Variants in MACF1 observed in about 807,000 individuals in gnomAD.
The protein encoded by MACF1 is microtubule actin crosslinking factor 1, also known as microtubule-actin cross-linking factor 1.
In MACF1, 193 loss-of-function variants were observed where a neutral mutation model predicts 854.8. That is an observed-to-expected ratio of 0.23 (90% CI 0.20 to 0.25). The LOEUF (loss-of-function observed/expected upper bound fraction) is 0.25. MACF1 is among the 10% of genes least tolerant of loss of function. MACF1 has a pLI of 1.00. For missense variants in MACF1, 7,722 were observed against 8,929.1 expected (o/e 0.86, Z 5.45); for synonymous variants, 3,185 against 3,226.7 (o/e 0.99, Z 0.44).
At chr1:39,289,819 A>G (rs375503443) in intron 15 of MACF1, among the ~76,000 whole-genome samples, 2 of 145,322 alleles carry the variant, frequency 1.4e-5, no homozygotes, top group East Asian at 4.2e-4. Flanking sequence ...CTCATGCCTC[A>G]GCCTCCCAAG....
chr1:39,436,134 A>C (rs1482729063), intron 70 of MACF1: 1 of 408,144 alleles, frequency 2.5e-6, no homozygotes, highest in Non-Finnish European at 4.4e-6. Flanking sequence ...GCAACAGCAC[A>C]TTAGTTTTCT....
chr1:39,179,328 C>G (rs1370175463), intron 2 of MACF1, among the ~76,000 whole-genome samples: 4 of 152,152 alleles, frequency 2.6e-5, no homozygotes, highest in Non-Finnish European at 5.9e-5. Flanking sequence ...TCTTCTGTTT[C>G]TGGAAGTCTT....
At chr1:39,407,149 G>C (rs1179447288) in intron 58 of MACF1, among the ~76,000 whole-genome samples, 1 of 152,094 alleles carries the variant, frequency 6.6e-6, no homozygotes, top group East Asian at 1.9e-4. Context: ...ACACCTCCAG[G>C]GTCAGGAAAG....
Position 39,479,625 on chromosome 1 carries a change from C to T in MACF1, c.21959-173C>T, listed in dbSNP as rs2275767. 0.56 allele frequency among the ~76,000 whole-genome samples: 85,339 copies of T among 152,044 alleles called. 25,639 individuals carry two copies. The highest frequency in any genetic ancestry group is 0.77 in the South Asian group (3,704 of 4,818). On this transcript the variant is annotated intron_variant, in intron 97 of 100. Transcript: ENST00000564288. ...TTAACATATCTGCTATGGGTAGGAA[C>T]CTTGACAAGGCTGATGTGTCATGAA...
At chr1:39,360,046 TATATATACACAC>T (rs1648018380) in intron 47 of MACF1, among the ~76,000 whole-genome samples, 1 of 60,860 alleles carries the variant, frequency 1.6e-5, no homozygotes, top group Non-Finnish European at 3.2e-5. Context: ...TATATATATA[TATATATACACAC>T]ACACACACAC....
Position 39,309,910 on chromosome 1 carries a change from G to A in MACF1, c.2916+214G>A, listed in dbSNP as rs538438158. ...CCTAATTAGAATAAGTAACATCTTTGGTCTTCTTGGCAAGGGTAGAAGGTT... is the reference window on the plus strand; with the variant it reads ...CCTAATTAGAATAAGTAACATCTTTAGTCTTCTTGGCAAGGGTAGAAGGTT... On this transcript the variant is annotated intron_variant, in intron 24 of 100. Transcript: ENST00000564288. 5.9e-5 allele frequency among the ~76,000 whole-genome samples: 9 copies of A among 152,272 alleles called. No homozygotes were observed. In the South Asian group the frequency reaches 1.7e-3, roughly 28 times the overall value.
intron 99 of MACF1, among the ~76,000 whole-genome samples, chr1:39,482,683 T>C (rs922810522): frequency 2.7e-5 from 4 of 150,040 alleles, no homozygotes; most frequent in Non-Finnish European, 5.9e-5. Flanking sequence ...TTGTCCCAGC[T>C]ACATGGGAGG....
At chr1:39,293,660 C>A (rs754900207) in intron 18 of MACF1, 41 bp downstream of exon 18, 3 of 1,578,962 alleles carry the variant, frequency 1.9e-6, no homozygotes, top group Non-Finnish European at 2.6e-6. Context: ...ACTTATTTAA[C>A]AGCAGCAGAA....
chr1:39,245,119 T>A (rs1179447172), intron 2 of MACF1, among the ~76,000 whole-genome samples: 2 of 152,226 alleles, frequency 1.3e-5, no homozygotes, highest in Non-Finnish European at 2.9e-5. Context: ...CAAGTTTTGC[T>A]ACCACAGGTA....
At chr1:39,125,180 C>G (rs918819585) in intron 2 of MACF1, among the ~76,000 whole-genome samples, 8 of 152,246 alleles carry the variant, frequency 5.3e-5, no homozygotes, top group Admixed American at 1.3e-4. Flanking sequence ...TTTGTAAAGT[C>G]TGTTCAGTGA....
intron 2 of MACF1, among the ~76,000 whole-genome samples, chr1:39,144,080 C>CT (rs1430433191): frequency 0.16 from 16,822 of 107,556 alleles, 1,931 homozygotes; most frequent in Middle Eastern, 0.24. Context: ...AGCCACGGCG[C>CT]TTTTTTTTTT....
chr1:39,401,043 G>A (rs536975659), intron 58 of MACF1, among the ~76,000 whole-genome samples: 1 of 152,138 alleles, frequency 6.6e-6, no homozygotes, highest in East Asian at 1.9e-4. Flanking sequence ...CCCTAGAGTG[G>A]GAATAATAGG....
intron 40 of MACF1, among the ~76,000 whole-genome samples, chr1:39,342,862 G>A (rs1190962580): frequency 1.3e-5 from 2 of 152,024 alleles, no homozygotes; most frequent in Non-Finnish European, 2.9e-5. Flanking sequence ...AACATTATAG[G>A]CTTTATGAAC....
intron 92 of MACF1, among the ~76,000 whole-genome samples, chr1:39,461,360 T>C (rs1407263662): frequency 1.3e-5 from 2 of 152,190 alleles, no homozygotes; most frequent in Non-Finnish European, 2.9e-5. Context: ...GTGGTTGTAA[T>C]ATTATGTTTA....
Position 39,382,062 on chromosome 1 carries a change from G to A in MACF1, c.13758G>A (p.Pro4586=), listed in dbSNP as rs769164491. Residue 4586 remains proline, a synonymous_variant, in exon 56 of 101, where the codon CCG becomes CCA. Coordinates refer to ENST00000564288, the MANE Select transcript of MACF1 (RefSeq NM_001394062.1). ...AGGCTGCAGAATCCCAGCTCCGGCCGTGGCTGATGGAGAAAGAACTGATGA... is the reference window on the plus strand; with the variant it reads ...AGGCTGCAGAATCCCAGCTCCGGCCATGGCTGATGGAGAAAGAACTGATGA... ...CFQAAESQLR[P]WLMEKELMMG... The A allele has an allele frequency of 4.7e-5, 76 of 1,614,036 alleles. No homozygotes were observed. Among genetic ancestry groups the A allele is most frequent in the Middle Eastern group, 3.3e-4 (2 of 6,084 alleles).
intron 95 of MACF1, chr1:39,468,002 A>G (rs1314888100): frequency 6.6e-6 from 1 of 152,242 alleles, no homozygotes. Context: ...TCTCTTTTAA[A>G]AAAATAAAGT....
At chr1:39,464,971 A>C in intron 94 of MACF1, 124 bp from the exon 95 acceptor site, 1 of 862,936 alleles carries the variant, frequency 1.2e-6, no homozygotes, top group Non-Finnish European at 1.9e-6. Context: ...GAATATGTTC[A>C]GTGTGTGTCA....
At chr1:39,242,723 G>A (rs1287418216) in intron 2 of MACF1, among the ~76,000 whole-genome samples, 1 of 136,862 alleles carries the variant, frequency 7.3e-6, no homozygotes, top group Non-Finnish European at 1.6e-5. Context: ...TGATGGAAGT[G>A]AGACCCTATC....
intron 2 of MACF1, among the ~76,000 whole-genome samples, chr1:39,089,030 A>C (rs1461469621): frequency 3.3e-5 from 5 of 152,174 alleles, no homozygotes; most frequent in African/African-American, 1.2e-4. Context: ...TTCAAAGATG[A>C]CTGAAGATGT....
Sources: allele counts gnomAD v4.1 joint callset (sites outside exome capture counted in the v4.1 genomes callset), GRCh38; gene constraint gnomAD v4.1.1; transcripts MANE v1.5; gene names NCBI Gene and HGNC (gene_info 2026-07-23, HGNC 2026-07-21).